ATP6V1G1: variants seen among roughly 807,000 people sequenced by gnomAD.
ATP6V1G1 encodes the protein ATPase H+ transporting V1 subunit G1.
In ATP6V1G1, 14 loss-of-function variants were observed where a neutral mutation model predicts 14.2. The observed-to-expected ratio is 0.99, with a 90% CI of 0.65 to 1.55. ATP6V1G1 has a LOEUF of 1.55. Among genes scored for constraint, ATP6V1G1 ranks in the 40% most tolerant of loss-of-function variants. ATP6V1G1 has a pLI of 0.00. For missense variants in ATP6V1G1, 137 were observed against 146.4 expected (o/e 0.94, Z 0.33); for synonymous variants, 65 against 53.3 (o/e 1.22, Z -0.96).
intron 1 of ATP6V1G1, among the ~76,000 whole-genome samples, chr9:114,590,270 T>A (rs1158672522): frequency 6.7e-6 from 1 of 150,252 alleles, no homozygotes; most frequent in African/African-American, 2.4e-5. Flanking sequence ...ATTTTTTTTT[T>A]TTTTTTTGAG....
chr9:114,590,856 C>T (rs750866318), intron 1 of ATP6V1G1, among the ~76,000 whole-genome samples: 6 of 152,078 alleles, frequency 3.9e-5, no homozygotes, highest in African/African-American at 7.2e-5. Context: ...AGGGCAGTGG[C>T]GTGATCTCGG....
chr9:114,596,381 C>G (rs1845238434), intron 2 of ATP6V1G1, among the ~76,000 whole-genome samples: 1 of 142,610 alleles, frequency 7.0e-6, no homozygotes, highest in East Asian at 2.1e-4. Flanking sequence ...GAGCGAGACT[C>G]CAACTCAAAA....
intron 1 of ATP6V1G1, 147 bp downstream of exon 1, chr9:114,588,067 A>G (rs1845141939): frequency 1.2e-6 from 1 of 866,258 alleles, no homozygotes; most frequent in Non-Finnish European, 1.7e-6. Flanking sequence ...AGCTTTGAGG[A>G]GCTGAGGCTC....
Position 114,597,574 on chromosome 9 carries a change from TGGGATCCCGTG to T in ATP6V1G1, c.190_200del (p.Gly64GlnfsTer5). On this transcript the variant is annotated frameshift_variant, in exon 3 of 3. Transcript: ENST00000374050. LOFTEE classifies it high-confidence loss of function. ...GACATCACTCCCCATCTCCAGGCAT[TGGGATCCCGTG>T]GCAGTTGCAGCACTGAAGTGGAGAA... is the stretch of plus-strand genomic sequence containing the variant. 4 of 1,498,148 alleles carry T rather than the reference TGGGATCCCGTG, an allele frequency of 2.7e-6. No homozygotes were observed. The highest frequency in any genetic ancestry group is 3.6e-6 in the Non-Finnish European group (4 of 1,123,174). The allele number at this position is 1,498,148 out of a possible 1,614,324, so 92.8% of individuals were successfully genotyped here. A position where few individuals can be genotyped will look rare whatever the true frequency, so the allele number is the denominator to read the frequency against.
rs1457606131 is a variant in ATP6V1G1, at chr9:114,588,055, G to C, written c.82+135G>C. Reference sequence around the variant, plus strand: ...ATAGTCGCGGAAGGTTGTGTGTTTCGAAGCTTTGAGGAGCTGAGGCTCTGG... The same window carrying C: ...ATAGTCGCGGAAGGTTGTGTGTTTCCAAGCTTTGAGGAGCTGAGGCTCTGG... On this transcript the variant is annotated intron_variant, in intron 1 of 2. Transcript: ENST00000374050. 5 of 972,500 alleles carry C rather than the reference G, an allele frequency of 5.1e-6. No individual in the cohort carries two copies. The East Asian group carries it at 1.3e-4, about 26-fold the overall frequency. The allele number at this position is 972,500 out of a possible 1,614,324, so 60.2% of individuals were successfully genotyped here. A position where few individuals can be genotyped will look rare whatever the true frequency, so the allele number is the denominator to read the frequency against.
intron 2 of ATP6V1G1, among the ~76,000 whole-genome samples, chr9:114,592,859 T>C (rs535659448): frequency 6.6e-6 from 1 of 152,360 alleles, no homozygotes; most frequent in Admixed American, 6.5e-5. Flanking sequence ...TATTCACTCA[T>C]TTAACACGTA....
chr9:114,597,705 C>A lies in ATP6V1G1; in HGVS notation c.319C>A (p.Arg107=). 1 of 1,584,266 alleles carries A rather than the reference C, an allele frequency of 6.3e-7. No homozygotes were observed. Among genetic ancestry groups the A allele is most frequent in the Non-Finnish European group, 8.6e-7 (1 of 1,168,768 alleles). Residue 107 remains arginine, a synonymous_variant, in exon 3 of 3, where the codon CGG becomes AGG. Transcript: ENST00000374050. ...CCTCTTGGCTTTTGTCTGTGACATTCGGCCAGAAATCCATGAAAACTACCG... is the reference window on the plus strand; with the variant it reads ...CCTCTTGGCTTTTGTCTGTGACATTAGGCCAGAAATCCATGAAAACTACCG... ...DNLLAFVCDI[R]PEIHENYRIN...
chr9:114,598,694 T>C lies in ATP6V1G1; in HGVS notation c.*951T>C, dbSNP rs1286443326. On this transcript the variant is annotated 3_prime_UTR_variant, in exon 3 of 3. Coordinates refer to ENST00000374050, the MANE Select transcript of ATP6V1G1 (RefSeq NM_004888.4). ...CATATTTCCTTCCTGGTGGGCTAGA[T>C]GATGTGCATTATACCTGTAGTACCT... Among the ~76,000 whole-genome samples the C allele has an allele frequency of 6.6e-6, 1 of 152,236 alleles. No individual in the cohort carries two copies. The highest frequency in any genetic ancestry group is 6.5e-5 in the Admixed American group (1 of 15,272).
intron 1 of ATP6V1G1, among the ~76,000 whole-genome samples, chr9:114,589,172 G>A (rs1845159320): frequency 6.6e-6 from 1 of 152,170 alleles, no homozygotes; most frequent in Non-Finnish European, 1.5e-5. Flanking sequence ...CCCGGACTAG[G>A]CTTGGAGTCC....
At position 114,597,440 on chromosome 9, in the gene ATP6V1G1, G is replaced by A. The variant is rs925553951; in HGVS notation, c.184-130G>A. ...TGTGCTCCAGCCATGAGGTCATATT[G>A]CCAGCTTCTGAGTATACTGATAGGT... On this transcript the variant is annotated intron_variant, in intron 2 of 2. Coordinates refer to ENST00000374050, the MANE Select transcript of ATP6V1G1 (RefSeq NM_004888.4). The A allele has an allele frequency of 5.6e-6, 5 of 893,942 alleles. No homozygotes were observed. The Admixed American group carries it at 1.8e-4, about 32-fold the overall frequency. 55.4% of individuals were successfully genotyped at this position (893,942 alleles called of 1,614,324 possible).
chr9:114,589,731 A>G (rs771884800), intron 1 of ATP6V1G1, among the ~76,000 whole-genome samples: 1 of 152,124 alleles, frequency 6.6e-6, no homozygotes, highest in Non-Finnish European at 1.5e-5. Context: ...CAGAAGTTGT[A>G]TCTGTCGGGA....
chr9:114,590,874 C>T (rs1845176302), intron 1 of ATP6V1G1, among the ~76,000 whole-genome samples: 1 of 152,196 alleles, frequency 6.6e-6, no homozygotes, highest in African/African-American at 2.4e-5. Flanking sequence ...CGGCTCACTA[C>T]AATCTCTGCC....
chr9:114,587,968 A>T (rs1845140848), intron 1 of ATP6V1G1, 48 bp downstream of exon 1: 1 of 1,546,580 alleles, frequency 6.5e-7, no homozygotes, highest in Non-Finnish European at 8.7e-7. Flanking sequence ...TCGAAGAAAG[A>T]CCGCTGGGCC....
At chr9:114,595,677 GT>G (rs1845230652) in intron 2 of ATP6V1G1, among the ~76,000 whole-genome samples, 1 of 151,976 alleles carries the variant, frequency 6.6e-6, no homozygotes, top group Non-Finnish European at 1.5e-5. Context: ...GAGTGATAAA[GT>G]CAGGCACAGT....
intron 2 of ATP6V1G1, among the ~76,000 whole-genome samples, chr9:114,597,277 ACCGCG>A (rs1259165643): frequency 6.6e-6 from 1 of 152,144 alleles, no homozygotes; most frequent in African/African-American, 2.4e-5. Context: ...GGCGTGAGCC[ACCGCG>A]CCCGGCCTAT....
chr9:114,588,952 G>C (rs1203685920), intron 1 of ATP6V1G1, among the ~76,000 whole-genome samples: 3 of 152,200 alleles, frequency 2.0e-5, no homozygotes, highest in African/African-American at 7.2e-5. Context: ...GTCAGGCCTG[G>C]TGCTTTCCTC....
In ATP6V1G1 at chr9:114,597,636, C is replaced by CT; in HGVS notation, c.251dup (p.Gln85ProfsTer10). The CT allele has an allele frequency of 1.9e-6, 3 of 1,588,330 alleles. No individual in the cohort carries two copies. Among genetic ancestry groups the CT allele is most frequent in the Non-Finnish European group, 2.6e-6 (3 of 1,169,030 alleles). ...GGAGACCCAGGAGAAGATGACCATCCTCCAGACATACTTCCGGCAGAACAG... is the reference window on the plus strand; with the variant it reads ...GGAGACCCAGGAGAAGATGACCATCCTTCCAGACATACTTCCGGCAGAACAG... On this transcript the variant is annotated frameshift_variant, in exon 3 of 3. Coordinates refer to ENST00000374050, the MANE Select transcript of ATP6V1G1 (RefSeq NM_004888.4). LOFTEE classifies it high-confidence loss of function.
At chr9:114,592,740 T>G in intron 2 of ATP6V1G1, 88 bp downstream of exon 2, 1 of 1,379,600 alleles carries the variant, frequency 7.2e-7, no homozygotes. Flanking sequence ...AGCTCAGAGA[T>G]CCTGGTCGAA....
In ATP6V1G1 at chr9:114,593,871, G is replaced by A. The variant is rs535251740; in HGVS notation, c.183+1219G>A. Among the ~76,000 whole-genome samples the A allele has an allele frequency of 4.6e-5, 7 of 152,110 alleles. No homozygotes were observed. In the South Asian group the frequency reaches 1.2e-3, roughly 27 times the overall value. The stretch of plus-strand genomic sequence containing the variant: ...TTTGGGAGGCTGAGGTGGGAGGATT[G>A]CTTGAAGCCACAAGTTCAAAACCAG... On this transcript the variant is annotated intron_variant, in intron 2 of 2. Coordinates refer to ENST00000374050, the MANE Select transcript of ATP6V1G1 (RefSeq NM_004888.4).
Sources: allele counts gnomAD v4.1 joint callset (sites outside exome capture counted in the v4.1 genomes callset), GRCh38; gene constraint gnomAD v4.1.1; transcripts MANE v1.5; gene names NCBI Gene and HGNC (gene_info 2026-07-23, HGNC 2026-07-21).